The following DYM variants were observed in gnomAD, a reference collection of about 807,000 sequenced individuals.
DYM encodes the protein dyggve-Melchior-Clausen syndrome protein.
Under a neutral mutation model 93.1 loss-of-function variants are expected in DYM, and 78 were observed. That is an observed-to-expected ratio of 0.84 (90% CI 0.70 to 1.01). The LOEUF is 1.01. Among genes scored for constraint, DYM ranks in the 50% least tolerant of loss-of-function variants. The probability of loss-of-function intolerance (pLI) is 0.00; values close to 1 mark genes in which losing one functional copy is unlikely to be tolerated. For synonymous variants in DYM, 321 were observed against 319.7 expected (o/e 1.00, Z -0.04); for missense variants, 789 against 845.0 (o/e 0.93, Z 0.82).
chr18:49,192,291 T>A (rs2091054951), intron 14 of DYM, among the ~76,000 whole-genome samples: 1 of 152,042 alleles, frequency 6.6e-6, no homozygotes, highest in African/African-American at 2.4e-5. Context: ...TAATATCTCA[T>A]AGAGTTGTTT....
intron 15 of DYM, among the ~76,000 whole-genome samples, chr18:49,152,509 G>A (rs943372054): frequency 5.3e-5 from 8 of 152,124 alleles, no homozygotes; most frequent in African/African-American, 1.7e-4. Flanking sequence ...TTGCTTACTC[G>A]CTACAGACTT....
Position 49,234,452 on chromosome 18 carries a change from C to CA in DYM, c.1460+22557dup, listed in dbSNP as rs541912856. Reference sequence around the variant, plus strand: ...AGCCTGGGTAACAGAGACCCTGTCTCAAAAAAAAGAAAAGTCACCCAGTGT... The same window carrying CA: ...AGCCTGGGTAACAGAGACCCTGTCTCAAAAAAAAAGAAAAGTCACCCAGTGT... On this transcript the variant is annotated intron_variant, in intron 13 of 17. Coordinates refer to ENST00000675505, the MANE Select transcript of DYM (RefSeq NM_001353214.3). Among the ~76,000 whole-genome samples, 18 of 151,668 alleles carry CA rather than the reference C, an allele frequency of 1.2e-4. 1 individual carries two copies. Among genetic ancestry groups the CA allele is most frequent in the East Asian group, 5.8e-4 (3 of 5,146 alleles).
chr18:49,350,534 C>T (rs2065016925), intron 6 of DYM, among the ~76,000 whole-genome samples: 2 of 151,704 alleles, frequency 1.3e-5, no homozygotes, highest in Non-Finnish European at 2.9e-5. Flanking sequence ...GGTGAAACCC[C>T]ATCTCTACTA....
intron 8 of DYM, among the ~76,000 whole-genome samples, chr18:49,326,337 C>T (rs2062874481): frequency 1.3e-5 from 2 of 151,848 alleles, no homozygotes; most frequent in African/African-American, 4.8e-5. Flanking sequence ...ACAATTTTTT[C>T]TTGTACTGGA....
At chr18:49,251,817 C>T (rs549590279) in intron 13 of DYM, among the ~76,000 whole-genome samples, 8 of 152,244 alleles carry the variant, frequency 5.3e-5, no homozygotes, top group African/African-American at 1.7e-4. Context: ...AGGCTATGTG[C>T]TTATCCTCTA....
intron 6 of DYM, among the ~76,000 whole-genome samples, chr18:49,354,869 C>T (rs913385484): frequency 3.9e-5 from 6 of 152,226 alleles, no homozygotes; most frequent in African/African-American, 1.4e-4. Flanking sequence ...GACAGTTAAG[C>T]AGTTTCTTAC....
intron 15 of DYM, among the ~76,000 whole-genome samples, chr18:49,135,890 T>C (rs2083798931): frequency 6.6e-6 from 1 of 152,268 alleles, no homozygotes; most frequent in Non-Finnish European, 1.5e-5. Context: ...CAGGTAACCC[T>C]GACTGGAGAC....
chr18:49,051,458 T>C (rs2072431587), intron 17 of DYM, among the ~76,000 whole-genome samples: 1 of 152,206 alleles, frequency 6.6e-6, no homozygotes, highest in African/African-American at 2.4e-5. Context: ...TGTGGTTTTA[T>C]GTTTAGACCA....
chr18:49,361,964 A>T (rs77558484), intron 6 of DYM, among the ~76,000 whole-genome samples: 13,832 of 151,480 alleles, frequency 0.091, 840 homozygotes, highest in East Asian at 0.31. Context: ...GACCTCATGA[A>T]CTGCCCACCT....
chr18:49,126,662 T>TA (rs1043792343), intron 15 of DYM, among the ~76,000 whole-genome samples: 29 of 151,834 alleles, frequency 1.9e-4, no homozygotes, highest in Admixed American at 6.6e-4. Context: ...TTATTTGATT[T>TA]TTTTTCATAA....
At chr18:49,307,892 T>C (rs887991228) in intron 8 of DYM, among the ~76,000 whole-genome samples, 3 of 152,220 alleles carry the variant, frequency 2.0e-5, no homozygotes, top group Admixed American at 2.0e-4. Flanking sequence ...AGAATTTGCC[T>C]GCTTTCTTGA....
Position 49,304,510 on chromosome 18 carries a change from T to C in DYM, c.764-17894A>G, listed in dbSNP as rs746803876. Among the ~76,000 whole-genome samples, 6 of 152,314 alleles carry C rather than the reference T, an allele frequency of 3.9e-5. No homozygotes were observed. The East Asian group carries it at 5.8e-4, about 15-fold the overall frequency. On this transcript the variant is annotated intron_variant, in intron 8 of 17. Transcript: ENST00000675505. ...TCTATATTGTCAACCTCAGCCTCCTTGAATACCCTTGATCTAACAGAAACC... is the reference window on the plus strand; with the variant it reads ...TCTATATTGTCAACCTCAGCCTCCTCGAATACCCTTGATCTAACAGAAACC...
rs777802663 is a variant in DYM at position 49,232,603 on chromosome 18, C to CTTT, written c.1461-22891_1461-22889dup. ...AGGCGTGAGCCACTGTGCCCGGCCTCTTTTTTTTTTTTTTTTTTTTTTTTG... is the reference window on the plus strand; with the variant it reads ...AGGCGTGAGCCACTGTGCCCGGCCTCTTTTTTTTTTTTTTTTTTTTTTTTTTTG... On this transcript the variant is annotated intron_variant, in intron 13 of 17. Coordinates refer to ENST00000675505, the MANE Select transcript of DYM (RefSeq NM_001353214.3). Among the ~76,000 whole-genome samples the CTTT allele has an allele frequency of 1.7e-3, 159 of 94,348 alleles. 2 individuals carry two copies. Among genetic ancestry groups the CTTT allele is most frequent in the South Asian group, 4.1e-3 (11 of 2,682 alleles). The allele number at this position is 94,348 out of a possible 152,430, so 61.9% of individuals were successfully genotyped here.
At chr18:49,288,685 C>T (rs781456233) in intron 8 of DYM, among the ~76,000 whole-genome samples, 6 of 151,750 alleles carry the variant, frequency 4.0e-5, no homozygotes, top group Non-Finnish European at 5.9e-5. Flanking sequence ...GAGGCTGAGG[C>T]GGGAGAATCT....
chr18:49,370,895 T>G (rs1450933406), intron 5 of DYM, among the ~76,000 whole-genome samples: 1 of 152,184 alleles, frequency 6.6e-6, no homozygotes, highest in Non-Finnish European at 1.5e-5. Context: ...CTTCCCAGAA[T>G]GTAAAGCAAA....
At chr18:49,317,603 T>TCCCTC (rs2062070336) in intron 8 of DYM, among the ~76,000 whole-genome samples, 1 of 18,112 alleles carries the variant, frequency 5.5e-5, no homozygotes, top group Non-Finnish European at 9.6e-5. Flanking sequence ...CTCTCCCCCC[T>TCCCTC]CCCCCCTCCC....
intron 5 of DYM, among the ~76,000 whole-genome samples, chr18:49,364,389 G>A (rs1345779732): frequency 2.6e-5 from 4 of 151,668 alleles, no homozygotes; most frequent in Non-Finnish European, 5.9e-5. Context: ...AGGTTGCAGT[G>A]AACTGAGGTC....
At position 49,202,807 on chromosome 18, in the gene DYM, G is replaced by C. The variant is rs1366305599; in HGVS notation, c.1625+6744C>G. On this transcript the variant is annotated intron_variant, in intron 14 of 17. Transcript: ENST00000675505. Reference sequence around the variant, plus strand: ...AGCCCCTCCGCCCGGCAGCTGCCCCGTCTGAGAAGTGAGGAGCCTCTCCGC... The same window carrying C: ...AGCCCCTCCGCCCGGCAGCTGCCCCCTCTGAGAAGTGAGGAGCCTCTCCGC... 8.0e-5 allele frequency among the ~76,000 whole-genome samples: 4 copies of C among 50,128 alleles called. No individual in the cohort carries two copies. The Admixed American group carries it at 8.9e-4, about 11-fold the overall frequency. The allele number at this position is 50,128 out of a possible 152,430, so 32.9% of individuals were successfully genotyped here.
chr18:49,256,303 G>C (rs2094393225), intron 13 of DYM, among the ~76,000 whole-genome samples: 1 of 152,184 alleles, frequency 6.6e-6, no homozygotes, highest in African/African-American at 2.4e-5. Flanking sequence ...AATCACAAGA[G>C]TCCTCAACAT....
Sources: gnomAD v4.1 joint callset for allele counts (sites outside exome capture counted in the v4.1 genomes callset) on GRCh38, gnomAD v4.1.1 for gene constraint, MANE v1.5 for transcripts, NCBI Gene and HGNC (gene_info 2026-07-23, HGNC 2026-07-21) for gene names.